The following DAO variants were observed in gnomAD, a reference collection of about 807,000 sequenced individuals.
DAO encodes the protein D-amino-acid oxidase.
DAO carries 51 observed loss-of-function variants against 50.1 expected under a neutral mutation model. The observed-to-expected ratio is 1.02, with a 90% CI of 0.81 to 1.29. DAO has a LOEUF of 1.29. DAO is among the 50% of genes most tolerant of loss of function. DAO has a pLI of 0.00. For missense variants in DAO, 436 were observed against 439.4 expected, an observed-to-expected ratio of 0.99 and a Z score of 0.07; for synonymous variants, 160 against 166.2, an observed-to-expected ratio of 0.96 and a Z score of 0.29.
chr12:108,884,954 A>C, intron 1 of DAO, 44 bp from the exon 2 acceptor site: 1 of 1,564,486 alleles, frequency 6.4e-7, no homozygotes, highest in East Asian at 2.2e-5. Flanking sequence ...AGGATGATGG[A>C]GATGATGGTG....
chr12:108,886,825 G>A (rs78475383), intron 2 of DAO, among the ~76,000 whole-genome samples: 3 of 67,892 alleles, frequency 4.4e-5, no homozygotes, highest in African/African-American at 1.8e-4. Context: ...GCAGTGATTC[G>A]GGGCCCAGGC....
At position 108,887,441 on chromosome 12, in the gene DAO, C is replaced by T. The variant is rs558880926; in HGVS notation, c.195-9C>T. ...CATTGGGTGATCGAACTCTTCATGA[C>T]CCTTCCAGGGACTGGAGCCAACAGA... On this transcript the variant is annotated splice_polypyrimidine_tract_variant and intron_variant, in intron 2 of 10. Coordinates refer to ENST00000228476, the MANE Select transcript of DAO (RefSeq NM_001917.5). 6.2e-7 allele frequency: 1 copy of T among 1,606,990 alleles called. No individual in the cohort carries two copies. Among genetic ancestry groups the T allele is most frequent in the Non-Finnish European group, 8.5e-7 (1 of 1,173,634 alleles).
Position 108,896,854 on chromosome 12 carries a change from A to G in DAO, c.613-152A>G, listed in dbSNP as rs986546661. The G allele has an allele frequency of 3.2e-5, 22 of 690,206 alleles. No homozygotes were observed. In the African/African-American group the frequency reaches 3.8e-4, roughly 12 times the overall value. The allele number at this position is 690,206 out of a possible 1,614,324, so 42.8% of individuals were successfully genotyped here. A position where few individuals can be genotyped will look rare whatever the true frequency, so the allele number is the denominator to read the frequency against. On this transcript the variant is annotated intron_variant, in intron 7 of 10. Coordinates refer to ENST00000228476, the MANE Select transcript of DAO (RefSeq NM_001917.5). ...GCAGCTCTTCCTGCAAGAGGCAAGC[A>G]GTCAGGTGCAGACTTGGGCCATAGT...
At chr12:108,898,633 G>A in intron 8 of DAO, 46 bp from the exon 9 acceptor site, 2 of 1,293,036 alleles carry the variant, frequency 1.5e-6, no homozygotes, top group Non-Finnish European at 2.3e-6. Context: ...ATTCATCTCA[G>A]AGCCTTCATT....
Position 108,885,106 on chromosome 12 carries a change from G to A in DAO, c.100G>A (p.Val34Ile). The change falls in exon 2 of 11, where the codon GTC (valine) becomes ATC (isoleucine). Residue 34 changes from valine to isoleucine, a missense_variant. By Grantham distance (29) the Val-to-Ile change is conservative (BLOSUM62 3). Coordinates refer to ENST00000228476, the MANE Select transcript of DAO (RefSeq NM_001917.5). ...HSVLQPLDIK[V>I]YADRFTPLTT... ...AGTCCTGCAGCCACTGGACATAAAGGTCTACGCGGACCGCTTCACCCCACT... is the reference window on the plus strand; with the variant it reads ...AGTCCTGCAGCCACTGGACATAAAGATCTACGCGGACCGCTTCACCCCACT... 1 of 1,614,032 alleles carries A rather than the reference G, an allele frequency of 6.2e-7. No homozygotes were observed.
intron 7 of DAO, among the ~76,000 whole-genome samples, chr12:108,895,582 GTGTA>G (rs988710919): frequency 6.7e-6 from 1 of 149,722 alleles, no homozygotes; most frequent in African/African-American, 2.5e-5. Flanking sequence ...GCATGTGAGA[GTGTA>G]TGTACGTGTG....
chr12:108,883,850 G>A, intron 1 of DAO: 1 of 296,642 alleles, frequency 3.4e-6, no homozygotes, highest in Non-Finnish European at 6.9e-6. Flanking sequence ...CTTGTGGGCT[G>A]GAGCCGTTTT....
At chr12:108,886,404 A>G (rs1196102967) in intron 2 of DAO, among the ~76,000 whole-genome samples, 2 of 152,214 alleles carry the variant, frequency 1.3e-5, no homozygotes, top group Non-Finnish European at 2.9e-5. Flanking sequence ...TGCAAAGGTC[A>G]TTATGGTAGT....
intron 6 of DAO, among the ~76,000 whole-genome samples, chr12:108,893,762 C>T (rs1320698238): frequency 2.0e-5 from 3 of 152,108 alleles, no homozygotes; most frequent in South Asian, 2.1e-4. Flanking sequence ...GCTCACGATG[C>T]GTGCTTGAGA....
chr12:108,882,599 T>A (rs187103968), intron 1 of DAO, among the ~76,000 whole-genome samples: 1 of 152,320 alleles, frequency 6.6e-6, no homozygotes, highest in African/African-American at 2.4e-5. Context: ...TCTGATGCAC[T>A]GACTTTTAGT....
intron 8 of DAO, 43 bp from the exon 9 acceptor site, chr12:108,898,636 C>A: frequency 7.7e-7 from 1 of 1,302,184 alleles, no homozygotes; most frequent in Non-Finnish European, 1.1e-6. Flanking sequence ...CATCTCAGAG[C>A]CTTCATTTTC....
At chr12:108,891,803 T>C (rs2039494992) in intron 5 of DAO, among the ~76,000 whole-genome samples, 1 of 152,128 alleles carries the variant, frequency 6.6e-6, no homozygotes. Context: ...TCTCACTATG[T>C]TGCCCAGGCT....
intron 7 of DAO, 77 bp from the exon 8 acceptor site, chr12:108,896,929 T>C: frequency 9.3e-7 from 1 of 1,077,148 alleles, no homozygotes. Flanking sequence ...TGTCAGGACA[T>C]CTGGCCACAG....
At chr12:108,889,094 G>C (rs909479153) in intron 3 of DAO, among the ~76,000 whole-genome samples, 3 of 148,008 alleles carry the variant, frequency 2.0e-5, no homozygotes, top group African/African-American at 7.7e-5. Flanking sequence ...CATTACATAA[G>C]TCTCTGTCAT....
At position 108,890,397 on chromosome 12, in the gene DAO, G is replaced by T; in HGVS notation, c.452+124G>T. On this transcript the variant is annotated intron_variant, in intron 5 of 10. Transcript: ENST00000228476. ...GGTTTGAAGAATACCCTTAGGCCTG[G>T]TGTGGGAGCTATCCTTGGTCCTGAT... 3 of 746,716 alleles carry T rather than the reference G, an allele frequency of 4.0e-6. No individual in the cohort carries two copies. The South Asian group carries it at 4.3e-5, about 11-fold the overall frequency. 46.3% of individuals were successfully genotyped at this position (746,716 alleles called of 1,614,324 possible). A position where few individuals can be genotyped will look rare whatever the true frequency, so the allele number is the denominator to read the frequency against.
chr12:108,881,662 T>C (rs1274957033), intron 1 of DAO, among the ~76,000 whole-genome samples: 2 of 145,940 alleles, frequency 1.4e-5, no homozygotes, highest in Non-Finnish European at 3.0e-5. Context: ...TGGAGTGCAA[T>C]GGCATGATTT....
At chr12:108,897,172 TC>T (rs1388622715) in intron 8 of DAO, 84 bp downstream of exon 8, 2 of 903,844 alleles carry the variant, frequency 2.2e-6, no homozygotes, top group Non-Finnish European at 3.7e-6. Flanking sequence ...AGCTCCTTAC[TC>T]CCTGCAGTTG....
chr12:108,899,477 T>C lies in DAO; in HGVS notation c.912+2T>C. 6.2e-7 allele frequency: 1 copy of C among 1,612,170 alleles called. No homozygotes were observed. Among genetic ancestry groups the C allele is most frequent in the Non-Finnish European group, 8.5e-7 (1 of 1,178,906 alleles). Reference sequence around the variant, plus strand: ...CGCACTGGACCTTCAAACACAGAGGTATGCTCCCATGGCAAGGAAAGTAAT... The same window carrying C: ...CGCACTGGACCTTCAAACACAGAGGCATGCTCCCATGGCAAGGAAAGTAAT... On this transcript the variant is annotated splice_donor_variant, in intron 10 of 10. Transcript: ENST00000228476. LOFTEE classifies it high-confidence loss of function.
Position 108,885,022 on chromosome 12 carries a change from A to T in DAO, c.16A>T (p.Ile6Phe). 1.2e-6 allele frequency: 2 copies of T among 1,614,040 alleles called. No individual in the cohort carries two copies. Among genetic ancestry groups the T allele is most frequent in the Non-Finnish European group, 1.7e-6 (2 of 1,180,016 alleles). Residue 6 changes from isoleucine (I) to phenylalanine (F), a missense_variant, in exon 2 of 11, where the codon ATT becomes TTT. Physicochemically the swap from Ile to Phe is conservative, Grantham distance 21. Coordinates refer to ENST00000228476, the MANE Select transcript of DAO (RefSeq NM_001917.5). MRVVV[I>F]GAGVIGLSTA... ...GGCTGCTGCAATGCGTGTGGTGGTG[A>T]TTGGAGCAGGAGTCATCGGGCTGTC...
Sources: allele counts gnomAD v4.1 joint callset (sites outside exome capture counted in the v4.1 genomes callset), GRCh38; gene constraint gnomAD v4.1.1; transcripts MANE v1.5; gene names NCBI Gene and HGNC (gene_info 2026-07-23, HGNC 2026-07-21).